Variants in UIMC1 observed in about 807,000 individuals in gnomAD.
UIMC1 encodes BRCA1-A complex subunit RAP80.
In UIMC1, 42 loss-of-function variants were observed where a neutral mutation model predicts 84.9. The ratio of observed to expected loss-of-function variants is 0.49; its 90% CI spans 0.39 to 0.64. UIMC1 has a LOEUF of 0.64. Among genes scored for constraint, UIMC1 ranks in the 30% least tolerant of loss-of-function variants. UIMC1 has a pLI of 0.00. For synonymous variants in UIMC1, 281 were observed against 293.0 expected (o/e 0.96, Z 0.42); for missense variants, 825 against 847.6 (o/e 0.97, Z 0.33).
intron 2 of UIMC1, among the ~76,000 whole-genome samples, chr5:176,981,305 T>A (rs528176742): frequency 6.6e-6 from 1 of 151,928 alleles, no homozygotes; most frequent in Admixed American, 6.6e-5. Flanking sequence ...CCACCACACC[T>A]GGCTAATTTT....
chr5:176,973,107 G>C (rs907261441), intron 3 of UIMC1, among the ~76,000 whole-genome samples: 7 of 151,990 alleles, frequency 4.6e-5, no homozygotes, highest in Admixed American at 1.3e-4. Context: ...GTAGAGACGA[G>C]GTTTCACCAT....
At chr5:176,949,509 G>A (rs565331413) in intron 9 of UIMC1, among the ~76,000 whole-genome samples, 1 of 152,266 alleles carries the variant, frequency 6.6e-6, no homozygotes, top group South Asian at 2.1e-4. Context: ...CCATTTAGAA[G>A]ATTCTGTTTC....
In UIMC1 at chr5:176,930,581, G is replaced by T. The variant is rs528487344; in HGVS notation, c.1597+12754C>A. Among the ~76,000 whole-genome samples, 3 of 152,344 alleles carry T rather than the reference G, an allele frequency of 2.0e-5. No homozygotes were observed. In the South Asian group the frequency reaches 6.2e-4, roughly 32 times the overall value. On this transcript the variant is annotated intron_variant, in intron 10 of 14. Coordinates refer to ENST00000511320, the MANE Select transcript of UIMC1 (RefSeq NM_001199298.2). ...TGGTATATAGCAGGTGCTCATAAAT[G>T]GTAGCTAATGTTGCTTAATGTTAAG...
intron 10 of UIMC1, among the ~76,000 whole-genome samples, chr5:176,917,874 G>A (rs1761210142): frequency 6.6e-6 from 1 of 152,144 alleles, no homozygotes; most frequent in South Asian, 2.1e-4. Flanking sequence ...CAGGAGAATT[G>A]CTTGAACCTG....
At chr5:176,914,048 A>ATACCT (rs1026348125) in intron 10 of UIMC1, among the ~76,000 whole-genome samples, 1 of 150,534 alleles carries the variant, frequency 6.6e-6, no homozygotes, top group African/African-American at 2.5e-5. Flanking sequence ...ACACCATACC[A>ATACCT]TACCATACCA....
intron 6 of UIMC1, among the ~76,000 whole-genome samples, chr5:176,968,326 T>C (rs1441726594): frequency 1.3e-5 from 2 of 151,890 alleles, no homozygotes; most frequent in Non-Finnish European, 2.9e-5. Flanking sequence ...GAGCCGAAGA[T>C]TGCGCCATTG....
At chr5:177,000,124 A>AT (rs1054832688) in intron 1 of UIMC1, among the ~76,000 whole-genome samples, 22 of 151,980 alleles carry the variant, frequency 1.4e-4, no homozygotes, top group South Asian at 2.1e-4. Context: ...CACCTGGCTA[A>AT]TTTTTTTACA....
intron 1 of UIMC1, among the ~76,000 whole-genome samples, chr5:177,019,824 C>T (rs981448338): frequency 3.3e-5 from 5 of 151,254 alleles, no homozygotes; most frequent in Non-Finnish European, 4.4e-5. Context: ...CCCAGCTACT[C>T]GGGAGGCTGA....
chr5:177,009,238 G>A (rs1459649988), upstream of UIMC1, among the ~76,000 whole-genome samples: 16 of 151,664 alleles, frequency 1.1e-4, no homozygotes, highest in South Asian at 8.3e-4. The surrounding 1 kb of genome is among the most constrained non-coding windows in gnomAD (Gnocchi z 4.3). Context: ...CAAACTCCTG[G>A]GCACAAGTGA....
At chr5:176,954,572 T>TA (rs923387663) in intron 8 of UIMC1, among the ~76,000 whole-genome samples, 15 of 150,062 alleles carry the variant, frequency 1.0e-4, no homozygotes, top group African/African-American at 2.4e-4. Context: ...TCGTCTCTAC[T>TA]AAAAAAAAAT....
chr5:176,991,786 G>T (rs1453145785), intron 1 of UIMC1, among the ~76,000 whole-genome samples: 1 of 151,896 alleles, frequency 6.6e-6, no homozygotes, highest in Non-Finnish European at 1.5e-5. Flanking sequence ...CAAAAAATTC[G>T]CCGGGCGTGG....
At chr5:176,941,598 T>C (rs1388841184) in intron 10 of UIMC1, among the ~76,000 whole-genome samples, 1 of 152,210 alleles carries the variant, frequency 6.6e-6, no homozygotes, top group Non-Finnish European at 1.5e-5. Context: ...TTCATAATTA[T>C]ACAATGTCAC....
intron 9 of UIMC1, among the ~76,000 whole-genome samples, chr5:176,945,889 TC>T (rs564022237): frequency 3.3e-5 from 5 of 152,232 alleles, no homozygotes; most frequent in Non-Finnish European, 7.4e-5. Context: ...AGATTGTGTT[TC>T]TGTTTTAAGG....
intron 1 of UIMC1, among the ~76,000 whole-genome samples, chr5:176,988,866 T>C (rs1262937240): frequency 6.6e-6 from 1 of 151,974 alleles, no homozygotes; most frequent in Admixed American, 6.6e-5. Context: ...GTATTTTTAG[T>C]AGAGATGGGG....
chr5:176,984,527 C>T (rs1771656573), intron 1 of UIMC1, among the ~76,000 whole-genome samples: 1 of 150,824 alleles, frequency 6.6e-6, no homozygotes, highest in Non-Finnish European at 1.5e-5. Context: ...CCTGGCCGCC[C>T]CATCTAGGAG....
At chr5:176,983,840 G>A (rs986168446) in intron 1 of UIMC1, among the ~76,000 whole-genome samples, 1 of 149,870 alleles carries the variant, frequency 6.7e-6, no homozygotes, top group Non-Finnish European at 1.5e-5. Flanking sequence ...CCTCTGCCCG[G>A]CTGCCCCGTC....
intron 1 of UIMC1, among the ~76,000 whole-genome samples, chr5:177,016,845 A>G (rs896100793): frequency 2.0e-5 from 3 of 151,926 alleles, no homozygotes; most frequent in African/African-American, 7.3e-5. Flanking sequence ...CAACATGGTA[A>G]AACCCCGTCT....
Position 176,968,967 on chromosome 5 carries a change from T to A in UIMC1, c.788A>T (p.Asp263Val). Reference protein sequence around the residue: ...TSRHCLPTLADAKGLQDTGGT... With the variant: ...TSRHCLPTLAVAKGLQDTGGT... ...CCCAGTGTCCTGGAGACCTTTGGCA[T>A]CTGCTAGGGTAGGTAGACAGTGCCT... Residue 263 changes from aspartate (D) to valine (V), a missense_variant, in exon 6 of 15, where the codon GAT (aspartate) becomes GTT (valine). Transcript: ENST00000511320. The A allele has an allele frequency of 6.2e-7, 1 of 1,614,192 alleles. No homozygotes were observed. The highest frequency in any genetic ancestry group is 8.5e-7 in the Non-Finnish European group (1 of 1,180,038).
chr5:176,969,756 T>A (rs375850530), intron 4 of UIMC1, 50 bp from the exon 5 acceptor site: 1 of 1,535,066 alleles, frequency 6.5e-7, no homozygotes, highest in Non-Finnish European at 9.0e-7. Flanking sequence ...AAAATAACTA[T>A]ATATGAAGGG....
Sources: gnomAD v4.1 joint callset for allele counts (sites outside exome capture counted in the v4.1 genomes callset) on GRCh38, gnomAD v4.1.1 for gene constraint, Gnocchi (gnomAD v3.1) non-coding constraint, MANE v1.5 for transcripts, NCBI Gene and HGNC (gene_info 2026-07-23, HGNC 2026-07-21) for gene names.